The following PGAP4 variants were observed in gnomAD, a reference collection of about 807,000 sequenced individuals.
PGAP4 encodes post-GPI attachment to proteins GalNAc transferase 4, also known as GPI-N-acetylgalactosamine transferase PGAP4.
A neutral mutation model predicts 28.2 loss-of-function variants in PGAP4; 12 were observed. The ratio of observed to expected loss-of-function variants is 0.42; its 90% CI spans 0.27 to 0.69. The LOEUF (loss-of-function observed/expected upper bound fraction) is 0.69, where lower values mean the gene tolerates loss of function less well. Ranked by LOEUF, PGAP4 falls within the 30% of genes least tolerant of loss-of-function variation. PGAP4 has a pLI of 0.22. For synonymous variants in PGAP4, 205 were observed against 211.8 expected (o/e 0.97, Z 0.28); for missense variants, 425 against 513.5 (o/e 0.83, Z 1.67).
chr9:101,475,953 C>T lies in PGAP4; in HGVS notation c.1140G>A (p.Val380=). Residue 380 remains valine, a synonymous_variant, in exon 2 of 2, where the codon GTG becomes GTA. Transcript: ENST00000374848. ...LRAKGERAYV[V]EPNLVKHIGL... ...CGATGTGTTTCACGAGGTTCGGCTC[C>T]ACTACATAGGCCCTCTCTCCCTTGG... is the stretch of plus-strand genomic sequence containing the variant. 1 of 1,614,226 alleles carries T rather than the reference C, an allele frequency of 6.2e-7. No individual in the cohort carries two copies. Among genetic ancestry groups the T allele is most frequent in the South Asian group, 1.1e-5 (1 of 91,090 alleles).
chr9:101,481,898 T>C (rs1319294574), intron 1 of PGAP4, among the ~76,000 whole-genome samples: 2 of 152,134 alleles, frequency 1.3e-5, no homozygotes, highest in Non-Finnish European at 2.9e-5. Context: ...ACGGCCTCTT[T>C]TATTATGCCT....
At chr9:101,524,563 TG>T (rs763258620) in intron 2 of PGAP4, among the ~76,000 whole-genome samples, 17 of 152,230 alleles carry the variant, frequency 1.1e-4, no homozygotes, top group Admixed American at 6.5e-5. Flanking sequence ...TTTTAGCCCC[TG>T]CTCCTCTGTC....
intron 2 of PGAP4, among the ~76,000 whole-genome samples, chr9:101,502,353 C>A (rs947959179): frequency 6.6e-6 from 1 of 152,026 alleles, no homozygotes; most frequent in African/African-American, 2.4e-5. Context: ...CTAGAAGTTC[C>A]AAATGATGAA....
At chr9:101,481,746 A>G (rs752931799) in intron 1 of PGAP4, among the ~76,000 whole-genome samples, 5 of 152,246 alleles carry the variant, frequency 3.3e-5, no homozygotes, top group Admixed American at 2.0e-4. Context: ...GGTGTGAGTC[A>G]GGGGATGAGT....
chr9:101,513,279 T>C (rs1439289809), intron 2 of PGAP4, among the ~76,000 whole-genome samples: 1 of 152,186 alleles, frequency 6.6e-6, no homozygotes, highest in Non-Finnish European at 1.5e-5. Context: ...AATGGTGTTA[T>C]GGTCCTCTCT....
chr9:101,504,367 T>C (rs1352133011), intron 2 of PGAP4, among the ~76,000 whole-genome samples: 2 of 151,888 alleles, frequency 1.3e-5, no homozygotes, highest in Non-Finnish European at 2.9e-5. Context: ...GCCTGGTTCA[T>C]GAGTCACTAA....
chr9:101,533,594 C>T (rs1827133754), upstream of PGAP4: 1 of 152,272 alleles, frequency 6.6e-6, no homozygotes, highest in African/African-American at 2.4e-5. Flanking sequence ...GACCAGATCG[C>T]AGTAGCAAAG....
Position 101,486,006 on chromosome 9 carries a change from G to A in PGAP4, c.-78+943C>T, listed in dbSNP as rs1826606213. Among the ~76,000 whole-genome samples, 1 of 152,156 alleles carries A rather than the reference G, an allele frequency of 6.6e-6. No individual in the cohort carries two copies. Among genetic ancestry groups the A allele is most frequent in the Non-Finnish European group, 1.5e-5 (1 of 68,030 alleles). ...GCATGTGTTGCTAATGGTCCGCATG[G>A]TGAGATCATCATTGGAGCCGCCCTG... is the stretch of plus-strand genomic sequence containing the variant. On this transcript the variant is annotated intron_variant, in intron 1 of 1. Transcript: ENST00000374848. The surrounding 1 kb of genome is among the most constrained non-coding windows in gnomAD (Gnocchi z 4.7).
intron 2 of PGAP4, among the ~76,000 whole-genome samples, chr9:101,525,427 G>A (rs1002546816): frequency 6.6e-6 from 1 of 151,760 alleles, no homozygotes; most frequent in African/African-American, 2.4e-5. Flanking sequence ...ATAAATGTTG[G>A]CGGGCGCAGT....
At chr9:101,479,827 C>G (rs1826431254) in intron 1 of PGAP4, 1 of 152,198 alleles carries the variant, frequency 6.6e-6, no homozygotes. Context: ...ATGCCACATG[C>G]CCCTCCTTCT....
chr9:101,513,828 C>G (rs952074524), intron 2 of PGAP4, among the ~76,000 whole-genome samples: 18 of 152,120 alleles, frequency 1.2e-4, no homozygotes, highest in Admixed American at 3.9e-4. Flanking sequence ...AGTCCAAAAG[C>G]CTCAGAATCA....
chr9:101,516,927 A>T (rs1437225591), intron 2 of PGAP4, among the ~76,000 whole-genome samples: 1 of 152,208 alleles, frequency 6.6e-6, no homozygotes, highest in Admixed American at 6.5e-5. Flanking sequence ...CTGATCGCCA[A>T]CAGACTTTGA....
intron 2 of PGAP4, among the ~76,000 whole-genome samples, chr9:101,512,378 G>A (rs1458865217): frequency 6.6e-6 from 1 of 152,050 alleles, no homozygotes; most frequent in Non-Finnish European, 1.5e-5. Context: ...CCCTTACAAA[G>A]AAAGTGACCT....
chr9:101,527,332 G>A (rs888273704), intron 2 of PGAP4, among the ~76,000 whole-genome samples: 3 of 152,146 alleles, frequency 2.0e-5, no homozygotes, highest in Admixed American at 6.5e-5. Context: ...ATTCCTGGCC[G>A]TATACTACTG....
rs796952689 is a variant in PGAP4, at chr9:101,494,982, T to A, written c.-164-5782A>T. 1.6e-3 allele frequency among the ~76,000 whole-genome samples: 235 copies of A among 149,190 alleles called. 1 individual carries two copies. The highest frequency in any genetic ancestry group is 5.4e-3 in the African/African-American group (221 of 40,928). ...ATTAATATAACAAACAAATTATCAC[T>A]GATAACATTAGATTTTTATGAATTT... is the stretch of plus-strand genomic sequence containing the variant. On this transcript the variant is annotated intron_variant, in intron 2 of 3. Coordinates refer to the PGAP4 transcript ENST00000374851.
Position 101,527,192 on chromosome 9 carries a change from T to G in PGAP4, c.-165+4156A>C, listed in dbSNP as rs112031285. Among the ~76,000 whole-genome samples, 92 of 152,324 alleles carry G rather than the reference T, an allele frequency of 6.0e-4. 3 individuals are homozygous for G. Among genetic ancestry groups the G allele is most frequent in the African/African-American group, 1.7e-3 (70 of 41,568 alleles). ...TGGAAGGGCTTTATAAGCGCTGAGA[T>G]TCTGGAGGCAGTCTCTTGAGAATTC... is the stretch of plus-strand genomic sequence containing the variant. On this transcript the variant is annotated intron_variant, in intron 2 of 3. Transcript: ENST00000374851.
intron 1 of PGAP4, chr9:101,531,701 T>C (rs1239794040): frequency 6.6e-6 from 1 of 152,222 alleles, no homozygotes; most frequent in Non-Finnish European, 1.5e-5. Context: ...GAAATCAGTT[T>C]TCCCTAAGAC....
chr9:101,487,894 A>T (rs1255327073), upstream of PGAP4, among the ~76,000 whole-genome samples: 1 of 152,208 alleles, frequency 6.6e-6, no homozygotes, highest in Non-Finnish European at 1.5e-5. Flanking sequence ...GGCTGCTACC[A>T]TGAAAGAACA....
At chr9:101,514,226 A>T (rs1319850682) in intron 2 of PGAP4, among the ~76,000 whole-genome samples, 1 of 152,108 alleles carries the variant, frequency 6.6e-6, no homozygotes, top group Non-Finnish European at 1.5e-5. Context: ...GTTAACTTCC[A>T]TCACTCTGTA....
Sources: gnomAD v4.1 joint callset for allele counts (sites outside exome capture counted in the v4.1 genomes callset) on GRCh38, gnomAD v4.1.1 for gene constraint, Gnocchi (gnomAD v3.1) non-coding constraint, MANE v1.5 for transcripts, NCBI Gene and HGNC (gene_info 2026-07-23, HGNC 2026-07-21) for gene names.